Variants in DYNLL2 observed in about 807,000 individuals in gnomAD.
The protein encoded by DYNLL2 is dynein light chain 2, cytoplasmic.
A neutral mutation model predicts 9.7 loss-of-function variants in DYNLL2; 1 was observed. The ratio of observed to expected loss-of-function variants is 0.10; its 90% CI spans 0.04 to 0.49. The LOEUF is 0.49. DYNLL2 is among the 20% of genes least tolerant of loss of function. The pLI, the probability that DYNLL2 is intolerant of heterozygous loss-of-function variation, is 0.95. For synonymous variants in DYNLL2, 35 were observed against 40.5 expected (o/e 0.86, Z 0.52); for missense variants, 37 against 115.2 (o/e 0.32, Z 3.11).
In DYNLL2 at chr17:58,094,005, A is replaced by T. The variant is rs1273884210; in HGVS notation, c.*4726A>T. On this transcript the variant is annotated 3_prime_UTR_variant, in exon 3 of 3. Transcript: ENST00000579991. ...TTCATAAGAAAGATAAAAGAGAACC[A>T]GCAGAACCCCAGGTTCTGCCTCTCC... The T allele has an allele frequency of 6.6e-6, 1 of 152,238 alleles. No individual in the cohort carries two copies. Among genetic ancestry groups the T allele is most frequent in the African/African-American group, 2.4e-5 (1 of 41,462 alleles). 9.4% of individuals were successfully genotyped at this position (152,238 alleles called of 1,614,324 possible). A position where few individuals can be genotyped will look rare whatever the true frequency, so the allele number is the denominator to read the frequency against.
chr17:58,085,511 TA>T (rs2075756732), intron 1 of DYNLL2, among the ~76,000 whole-genome samples: 1 of 152,168 alleles, frequency 6.6e-6, no homozygotes, highest in African/African-American at 2.4e-5. Context: ...GGGGTGCTTT[TA>T]GGGGTGGGAT....
chr17:58,085,253 C>CGGCA (rs2075755466), intron 1 of DYNLL2, among the ~76,000 whole-genome samples: 1 of 152,134 alleles, frequency 6.6e-6, no homozygotes, highest in South Asian at 2.1e-4. Flanking sequence ...GCCTTGGATG[C>CGGCA]GGTCAAGGGC....
intron 2 of DYNLL2, 105 bp from the exon 3 acceptor site, chr17:58,089,037 A>T: frequency 6.9e-7 from 1 of 1,453,400 alleles, no homozygotes; most frequent in Non-Finnish European, 9.5e-7. Flanking sequence ...GGGTGATAAC[A>T]ACCAAACGTG....
chr17:58,092,180 C>T lies in DYNLL2; in HGVS notation c.*2901C>T, dbSNP rs1415123330. The T allele has an allele frequency of 1.3e-5, 2 of 152,198 alleles. No individual in the cohort carries two copies. The highest frequency in any genetic ancestry group is 2.9e-5 in the Non-Finnish European group (2 of 68,054). 9.4% of individuals were successfully genotyped at this position (152,198 alleles called of 1,614,324 possible). ...GGTCCTAAGGGATTAAGTTGAGAGACTCTAGAGCCCCAACTTCTGTTACTG... is the reference window on the plus strand; with the variant it reads ...GGTCCTAAGGGATTAAGTTGAGAGATTCTAGAGCCCCAACTTCTGTTACTG... On this transcript the variant is annotated 3_prime_UTR_variant, in exon 3 of 3. Coordinates refer to ENST00000579991, the MANE Select transcript of DYNLL2 (RefSeq NM_080677.3).
rs1439389970 is a variant in DYNLL2 at position 58,091,648 on chromosome 17, C to T, written c.*2369C>T. The T allele has an allele frequency of 2.6e-5, 4 of 151,774 alleles. No individual in the cohort carries two copies. Among genetic ancestry groups the T allele is most frequent in the Non-Finnish European group, 5.9e-5 (4 of 68,052 alleles). 9.4% of individuals were successfully genotyped at this position (151,774 alleles called of 1,614,324 possible). A position where few individuals can be genotyped will look rare whatever the true frequency, so the allele number is the denominator to read the frequency against. On this transcript the variant is annotated 3_prime_UTR_variant, in exon 3 of 3. Coordinates refer to ENST00000579991, the MANE Select transcript of DYNLL2 (RefSeq NM_080677.3). ...GACTATTTAGCAAAGGGTCTGGCCA[C>T]TCAGAAATGGAAAGCTGGGGATATT... is the stretch of plus-strand genomic sequence containing the variant.
intron 2 of DYNLL2, among the ~76,000 whole-genome samples, chr17:58,088,869 G>A (rs934126218): frequency 6.6e-6 from 1 of 152,104 alleles, no homozygotes; most frequent in Non-Finnish European, 1.5e-5. Flanking sequence ...TAGCTAGAGG[G>A]AGGAGAGATG....
Position 58,091,352 on chromosome 17 carries a change from G to C in DYNLL2, c.*2073G>C, listed in dbSNP as rs12950704. 0.62 allele frequency: 93,079 copies of C among 151,100 alleles called. 31,059 individuals carry two copies. The highest frequency in any genetic ancestry group is 0.92 in the East Asian group (4,695 of 5,116). 9.4% of individuals were successfully genotyped at this position (151,100 alleles called of 1,614,324 possible). On this transcript the variant is annotated 3_prime_UTR_variant, in exon 3 of 3. Transcript: ENST00000579991. ...GGACTGAAGGGAAGACCAGCCACTA[G>C]ATACTGATTGGCCTGTAGCAGCACT...
rs540060154 is a variant in DYNLL2, at chr17:58,095,070, G to A, written c.*5791G>A. 8 of 152,008 alleles carry A rather than the reference G, an allele frequency of 5.3e-5. No homozygotes were observed. The highest frequency in any genetic ancestry group is 1.2e-4 in the Non-Finnish European group (8 of 68,018). 9.4% of individuals were successfully genotyped at this position (152,008 alleles called of 1,614,324 possible). On this transcript the variant is annotated 3_prime_UTR_variant, in exon 3 of 3. Coordinates refer to ENST00000579991, the MANE Select transcript of DYNLL2 (RefSeq NM_080677.3). ...TATGAACATTGATGTACAGATTTTT[G>A]TGTAGATATGTTTTCAATTATCTTG... is the stretch of plus-strand genomic sequence containing the variant.
rs903379968 is a variant in DYNLL2, at chr17:58,093,169, G to T, written c.*3890G>T. 6.6e-6 allele frequency: 1 copy of T among 152,204 alleles called. No homozygotes were observed. The highest frequency in any genetic ancestry group is 6.5e-5 in the Admixed American group (1 of 15,282). 9.4% of individuals were successfully genotyped at this position (152,204 alleles called of 1,614,324 possible). On this transcript the variant is annotated 3_prime_UTR_variant, in exon 3 of 3. Transcript: ENST00000579991. The stretch of plus-strand genomic sequence containing the variant: ...AATGAAAAAAGAAGGGTGCGAGCAA[G>T]CCTGGACAGGCCTGGTGCCCCAGGG...
chr17:58,083,559 C>A lies in DYNLL2; in HGVS notation c.-134C>A. On this transcript the variant is annotated 5_prime_UTR_variant, in exon 1 of 3. Coordinates refer to ENST00000579991, the MANE Select transcript of DYNLL2 (RefSeq NM_080677.3). Reference sequence around the variant, plus strand: ...GCGATCGGCCTCGGGCTGCGGGAGCCGGAGACCGCGGCGGCGGCGGCTGCT... The same window carrying A: ...GCGATCGGCCTCGGGCTGCGGGAGCAGGAGACCGCGGCGGCGGCGGCTGCT... The A allele has an allele frequency of 6.5e-6, 1 of 153,642 alleles. No individual in the cohort carries two copies. The highest frequency in any genetic ancestry group is 1.8e-4 in the South Asian group (1 of 5,664). 9.5% of individuals were successfully genotyped at this position (153,642 alleles called of 1,614,324 possible).
intron 1 of DYNLL2, among the ~76,000 whole-genome samples, chr17:58,084,197 C>T (rs557340858): frequency 4.6e-4 from 70 of 151,436 alleles, no homozygotes; most frequent in Non-Finnish European, 7.8e-4. Flanking sequence ...GGCGGGAGGT[C>T]GGGGGGAAGG....
In DYNLL2 at chr17:58,089,072, A is replaced by G; in HGVS notation, c.133-70A>G. On this transcript the variant is annotated intron_variant, in intron 2 of 2. Coordinates refer to ENST00000579991, the MANE Select transcript of DYNLL2 (RefSeq NM_080677.3). ...GTCGGTGCTGGAGTTGCAGGGAGAG[A>G]CTCCCATTCTGATTTCTCCTTCTCC... 10 of 1,576,986 alleles carry G rather than the reference A, an allele frequency of 6.3e-6. No individual in the cohort carries two copies. The East Asian group carries it at 1.6e-4, about 25-fold the overall frequency.
At chr17:58,086,877 T>C (rs1371187067) in intron 1 of DYNLL2, among the ~76,000 whole-genome samples, 1 of 152,238 alleles carries the variant, frequency 6.6e-6, no homozygotes, top group Non-Finnish European at 1.5e-5. Flanking sequence ...TGAGTTATTA[T>C]GTCCTATTGG....
chr17:58,093,938 G>C lies in DYNLL2; in HGVS notation c.*4659G>C, dbSNP rs2075789230. 6.6e-6 allele frequency: 1 copy of C among 152,148 alleles called. No homozygotes were observed. The highest frequency in any genetic ancestry group is 1.5e-5 in the Non-Finnish European group (1 of 68,038). 9.4% of individuals were successfully genotyped at this position (152,148 alleles called of 1,614,324 possible). A position where few individuals can be genotyped will look rare whatever the true frequency, so the allele number is the denominator to read the frequency against. ...GCTTGGTGTCCACATCAATGTGCGTGAATACTCCTACCCACAGACTGCTAC... is the reference window on the plus strand; with the variant it reads ...GCTTGGTGTCCACATCAATGTGCGTCAATACTCCTACCCACAGACTGCTAC... On this transcript the variant is annotated 3_prime_UTR_variant, in exon 3 of 3. Transcript: ENST00000579991.
rs968463743 is a variant in DYNLL2 at position 58,089,765 on chromosome 17, G to A, written c.*486G>A. 2.5e-5 allele frequency: 10 copies of A among 401,012 alleles called. No homozygotes were observed. Among genetic ancestry groups the A allele is most frequent in the Non-Finnish European group, 4.4e-5 (10 of 228,094 alleles). 24.8% of individuals were successfully genotyped at this position (401,012 alleles called of 1,614,324 possible). A position where few individuals can be genotyped will look rare whatever the true frequency, so the allele number is the denominator to read the frequency against. On this transcript the variant is annotated 3_prime_UTR_variant, in exon 3 of 3. Transcript: ENST00000579991. ...GGGATTGTCAAGGAAAAAGGGGTAG[G>A]AAGGAAGGTGGAGGGATTGATCTAG...
At chr17:58,084,300 C>G (rs1317154995) in intron 1 of DYNLL2, among the ~76,000 whole-genome samples, 1 of 151,996 alleles carries the variant, frequency 6.6e-6, no homozygotes, top group Non-Finnish European at 1.5e-5. Context: ...TTGGAGAGCC[C>G]GAAGAGGGAA....
chr17:58,088,854 T>G (rs2075770006), intron 2 of DYNLL2, among the ~76,000 whole-genome samples: 1 of 150,030 alleles, frequency 6.7e-6, no homozygotes. Flanking sequence ...CGTGAGGGGG[T>G]GGGGTAGCTA....
chr17:58,084,334 G>T (rs2075750000), intron 1 of DYNLL2, among the ~76,000 whole-genome samples: 1 of 152,304 alleles, frequency 6.6e-6, no homozygotes, highest in African/African-American at 2.4e-5. Flanking sequence ...TGTATTGGCG[G>T]GTGGGGATGG....
rs1378012307 is a variant in DYNLL2 at position 58,091,086 on chromosome 17, C to T, written c.*1807C>T. The T allele has an allele frequency of 6.6e-6, 1 of 152,238 alleles. No homozygotes were observed. Among genetic ancestry groups the T allele is most frequent in the Non-Finnish European group, 1.5e-5 (1 of 68,100 alleles). The allele number at this position is 152,238 out of a possible 1,614,324, so 9.4% of individuals were successfully genotyped here. A position where few individuals can be genotyped will look rare whatever the true frequency, so the allele number is the denominator to read the frequency against. On this transcript the variant is annotated 3_prime_UTR_variant, in exon 3 of 3. Transcript: ENST00000579991. ...CCAAATCTGTGTTTCCCCCTGCCCT[C>T]CCAGACTGTGTGGCCAGTTGAAAGT...
Sources: allele counts gnomAD v4.1 joint callset (sites outside exome capture counted in the v4.1 genomes callset), GRCh38; gene constraint gnomAD v4.1.1; transcripts MANE v1.5; gene names NCBI Gene and HGNC (gene_info 2026-07-23, HGNC 2026-07-21).